Variants in FAM13A observed in about 807,000 individuals in gnomAD.
FAM13A encodes the protein family with sequence similarity 13 member A.
In FAM13A, 76 loss-of-function variants were observed where a neutral mutation model predicts 129.6. That is an observed-to-expected ratio of 0.59 (90% CI 0.49 to 0.71). The LOEUF (loss-of-function observed/expected upper bound fraction) is 0.71. Ranked by LOEUF, FAM13A falls within the 30% of genes least tolerant of loss-of-function variation. The pLI is 0.00. For synonymous variants in FAM13A, 443 were observed against 449.9 expected (o/e 0.98, Z 0.20); for missense variants, 1,108 against 1,249.3 (o/e 0.89, Z 1.70).
At chr4:88,963,143 T>C (rs1579520867) in intron 4 of FAM13A, among the ~76,000 whole-genome samples, 1 of 152,086 alleles carries the variant, frequency 6.6e-6, no homozygotes, top group South Asian at 2.1e-4. Context: ...AAATTTAAAA[T>C]TGATGAGGTT....
At chr4:88,831,535 G>A (rs1733885583) in intron 7 of FAM13A, among the ~76,000 whole-genome samples, 1 of 152,144 alleles carries the variant, frequency 6.6e-6, no homozygotes, top group Admixed American at 6.5e-5. Context: ...TCAATATACT[G>A]GCTGGTAAAT....
intron 1 of FAM13A, among the ~76,000 whole-genome samples, chr4:89,055,202 C>T (rs564900481): frequency 3.0e-4 from 45 of 152,288 alleles, no homozygotes; most frequent in African/African-American, 1.1e-3. Context: ...TGACTTAGTT[C>T]TCCCTTTTTT....
chr4:88,959,819 T>A (rs1758340272), intron 4 of FAM13A, among the ~76,000 whole-genome samples: 1 of 152,196 alleles, frequency 6.6e-6, no homozygotes, highest in South Asian at 2.1e-4. Flanking sequence ...AATTAGGATA[T>A]CAGCCTCTTG....
chr4:88,922,559 G>A (rs1751309739), intron 5 of FAM13A, among the ~76,000 whole-genome samples: 1 of 151,942 alleles, frequency 6.6e-6, no homozygotes, highest in South Asian at 2.1e-4. Flanking sequence ...GCAGTGTGTA[G>A]AGGGAAATTT....
At chr4:88,984,706 T>C (rs1331769115) in intron 4 of FAM13A, among the ~76,000 whole-genome samples, 1 of 152,222 alleles carries the variant, frequency 6.6e-6, no homozygotes, top group African/African-American at 2.4e-5. Flanking sequence ...TCTTCATATA[T>C]TTTTGTCTTT....
chr4:88,918,129 T>C (rs1355741253), intron 5 of FAM13A, among the ~76,000 whole-genome samples: 1 of 152,236 alleles, frequency 6.6e-6, no homozygotes, highest in Admixed American at 6.5e-5. Context: ...TTGGTTTTTG[T>C]TGTTTTCAAC....
intron 11 of FAM13A, among the ~76,000 whole-genome samples, chr4:88,771,211 C>T (rs1024751869): frequency 1.4e-5 from 2 of 141,664 alleles, no homozygotes; most frequent in Non-Finnish European, 3.1e-5. Context: ...AGTACAGTAA[C>T]AAAACTATGT....
intron 7 of FAM13A, among the ~76,000 whole-genome samples, chr4:88,817,588 T>G (rs1224708874): frequency 1.3e-5 from 2 of 152,004 alleles, no homozygotes; most frequent in East Asian, 3.9e-4. Context: ...TTATTTCTAG[T>G]TCTTCTTAAG....
intron 3 of FAM13A, among the ~76,000 whole-genome samples, chr4:88,994,613 G>A (rs1177463397): frequency 6.6e-6 from 1 of 152,128 alleles, no homozygotes; most frequent in Non-Finnish European, 1.5e-5. Context: ...GCCAAGGTGG[G>A]CGGACTGCTT....
chr4:88,769,155 C>G (rs1720099196), intron 11 of FAM13A, among the ~76,000 whole-genome samples: 1 of 152,282 alleles, frequency 6.6e-6, no homozygotes, highest in Admixed American at 6.5e-5. Flanking sequence ...AAACCCTTTA[C>G]TAAGTAAATC....
At position 88,744,282 on chromosome 4, in the gene FAM13A, C is replaced by T. The variant is rs370774196; in HGVS notation, c.2466+2650G>A. On this transcript the variant is annotated intron_variant, in intron 19 of 23. Coordinates refer to ENST00000264344, the MANE Select transcript of FAM13A (RefSeq NM_014883.4). ...ATAGTGGGATACACACACAGTAATA[C>T]AGTGACATGTAGTTATTTACTGCAC... Among the ~76,000 whole-genome samples, 21 of 152,162 alleles carry T rather than the reference C, an allele frequency of 1.4e-4. 1 individual carries two copies. Among genetic ancestry groups the T allele is most frequent in the East Asian group, 1.2e-3 (6 of 5,188 alleles).
At chr4:88,792,046 G>T (rs1203973001) in intron 8 of FAM13A, among the ~76,000 whole-genome samples, 1 of 152,074 alleles carries the variant, frequency 6.6e-6, no homozygotes, top group Non-Finnish European at 1.5e-5. Flanking sequence ...AGGTAAAAGG[G>T]AAGCTGATTC....
At chr4:88,863,206 G>A (rs1241522083) in intron 6 of FAM13A, among the ~76,000 whole-genome samples, 1 of 152,120 alleles carries the variant, frequency 6.6e-6, no homozygotes, top group Non-Finnish European at 1.5e-5. Context: ...CCTCTAGAGA[G>A]GGGAAAGGGG....
intron 1 of FAM13A, among the ~76,000 whole-genome samples, chr4:89,036,860 A>T (rs370463704): frequency 9.9e-5 from 15 of 152,224 alleles, no homozygotes; most frequent in African/African-American, 3.6e-4. Context: ...TACAGGCCAT[A>T]AGCCTTGGTG....
intron 2 of FAM13A, among the ~76,000 whole-genome samples, chr4:89,025,906 T>C (rs568972647): frequency 5.3e-5 from 8 of 152,296 alleles, no homozygotes; most frequent in East Asian, 1.9e-4. Context: ...TTTGTAGGGA[T>C]AGACTTTTCA....
chr4:88,848,066 C>T (rs1736970108), intron 7 of FAM13A, among the ~76,000 whole-genome samples: 1 of 152,144 alleles, frequency 6.6e-6, no homozygotes, highest in Admixed American at 6.5e-5. Flanking sequence ...ATAACATTGA[C>T]ACTAGCTCTT....
At chr4:88,968,158 C>T (rs1436028437) in intron 4 of FAM13A, among the ~76,000 whole-genome samples, 3 of 152,146 alleles carry the variant, frequency 2.0e-5, no homozygotes, top group Non-Finnish European at 4.4e-5. Context: ...TGCATTATCT[C>T]TGATACAAAG....
intron 19 of FAM13A, 40 bp from the exon 20 acceptor site, chr4:88,739,165 G>A (rs757831044): frequency 7.1e-7 from 1 of 1,404,256 alleles, no homozygotes; most frequent in South Asian, 1.2e-5. Flanking sequence ...GCCTGCTGCT[G>A]GGAGTCACAA....
chr4:88,980,553 T>C (rs1761521914), intron 4 of FAM13A, among the ~76,000 whole-genome samples: 1 of 148,630 alleles, frequency 6.7e-6, no homozygotes, highest in Non-Finnish European at 1.5e-5. Context: ...TTCTTTAATA[T>C]TCCAAAATCA....
Sources: gnomAD v4.1 joint callset for allele counts (sites outside exome capture counted in the v4.1 genomes callset) on GRCh38, gnomAD v4.1.1 for gene constraint, MANE v1.5 for transcripts, NCBI Gene and HGNC (gene_info 2026-07-23, HGNC 2026-07-21) for gene names.